Variants in SWT1 observed in about 807,000 individuals in gnomAD.
The protein encoded by SWT1 is transcriptional protein SWT1.
Under a neutral mutation model 107.3 loss-of-function variants are expected in SWT1, and 33 were observed. The ratio of observed to expected loss-of-function variants is 0.31; its 90% CI spans 0.23 to 0.41. The LOEUF (loss-of-function observed/expected upper bound fraction) is 0.41. Ranked by LOEUF, SWT1 falls within the 10% of genes least tolerant of loss-of-function variation. The probability of loss-of-function intolerance (pLI) is 1.00; values close to 1 mark genes in which losing one functional copy is unlikely to be tolerated. For synonymous variants in SWT1, 345 were observed against 348.3 expected (o/e 0.99, Z 0.11); for missense variants, 898 against 1,028.9 (o/e 0.87, Z 1.74).
chr1:185,252,897 A>G (rs1163439760), intron 16 of SWT1, among the ~76,000 whole-genome samples: 1 of 146,846 alleles, frequency 6.8e-6, no homozygotes, highest in African/African-American at 2.5e-5. Context: ...GTTTTCTTCT[A>G]GGGTTTTTAT....
chr1:185,205,856 A>G (rs979986957), intron 12 of SWT1, among the ~76,000 whole-genome samples: 10 of 152,228 alleles, frequency 6.6e-5, no homozygotes, highest in Non-Finnish European at 1.3e-4. Context: ...GTAATTGTAT[A>G]TATGTGAGTG....
intron 18 of SWT1, among the ~76,000 whole-genome samples, chr1:185,278,756 A>C (rs1429171637): frequency 6.6e-6 from 1 of 152,242 alleles, no homozygotes; most frequent in Admixed American, 6.5e-5. Context: ...TGGGATTAGG[A>C]GCATAACACT....
chr1:185,202,911 G>A (rs923374841), intron 11 of SWT1, 112 bp downstream of exon 11: 22 of 535,576 alleles, frequency 4.1e-5, no homozygotes, highest in South Asian at 2.0e-4. Flanking sequence ...AAATAACATC[G>A]TTTGGAATAC....
intron 16 of SWT1, among the ~76,000 whole-genome samples, chr1:185,240,473 A>G (rs74134445): frequency 6.6e-6 from 1 of 152,052 alleles, no homozygotes; most frequent in Non-Finnish European, 1.5e-5. Flanking sequence ...ATGCTTTTAT[A>G]TTAAAAGATA....
At chr1:185,275,114 T>C (rs1430476841) in intron 17 of SWT1, among the ~76,000 whole-genome samples, 3 of 152,198 alleles carry the variant, frequency 2.0e-5, no homozygotes, top group Non-Finnish European at 1.5e-5. Context: ...TTATTTTATA[T>C]TCATATTTAA....
chr1:185,276,751 G>A, intron 18 of SWT1, 83 bp downstream of exon 18: 1 of 645,390 alleles, frequency 1.5e-6, no homozygotes, highest in Non-Finnish European at 2.5e-6. Context: ...TGGTGGTGGT[G>A]ATGTGTTTTT....
At position 185,184,800 on chromosome 1, in the gene SWT1, T is replaced by TGAAG. The variant is rs780928295; in HGVS notation, c.1306_1309dup (p.Lys437ArgfsTer27). ...GTCGTTATGCAAGAGCTAGATCGTATGAAGGAAGGAAAACTACTAAAACGT... is the reference window on the plus strand; with the variant it reads ...GTCGTTATGCAAGAGCTAGATCGTATGAAGGAAGGAAGGAAAACTACTAAAACGT... On this transcript the variant is annotated frameshift_variant, in exon 9 of 19. Coordinates refer to ENST00000367500, the MANE Select transcript of SWT1 (RefSeq NM_017673.7). LOFTEE classifies it high-confidence loss of function. The TGAAG allele has an allele frequency of 6.2e-7, 1 of 1,607,600 alleles. No individual in the cohort carries two copies. Among genetic ancestry groups the TGAAG allele is most frequent in the South Asian group, 1.1e-5 (1 of 90,080 alleles).
At chr1:185,270,268 A>G (rs1430083641) in intron 16 of SWT1, among the ~76,000 whole-genome samples, 1 of 149,500 alleles carries the variant, frequency 6.7e-6, no homozygotes, top group Non-Finnish European at 1.5e-5. Context: ...TACCAAAATG[A>G]CAGGCTGGTT....
chr1:185,192,869 A>G (rs1417641450), intron 10 of SWT1, among the ~76,000 whole-genome samples: 1 of 151,922 alleles, frequency 6.6e-6, no homozygotes, highest in Non-Finnish European at 1.5e-5. Context: ...GCTGGTCTCA[A>G]ACTCCTGACC....
At chr1:185,261,867 G>A (rs1052122231) in intron 16 of SWT1, among the ~76,000 whole-genome samples, 1 of 152,050 alleles carries the variant, frequency 6.6e-6, no homozygotes, top group African/African-American at 2.4e-5. Flanking sequence ...TATAAATAGA[G>A]CATTTCTTTA....
chr1:185,239,319 A>C (rs985261330), intron 16 of SWT1, among the ~76,000 whole-genome samples: 3 of 152,130 alleles, frequency 2.0e-5, no homozygotes, highest in Non-Finnish European at 4.4e-5. Context: ...AACTATGTTT[A>C]CATGCGCTAA....
intron 9 of SWT1, among the ~76,000 whole-genome samples, chr1:185,188,926 T>A (rs1034104183): frequency 2.6e-5 from 4 of 152,170 alleles, no homozygotes; most frequent in African/African-American, 9.7e-5. Context: ...TATGGACTTG[T>A]GGGAAACATT....
intron 16 of SWT1, among the ~76,000 whole-genome samples, chr1:185,259,193 A>G (rs1048450311): frequency 3.9e-5 from 6 of 152,112 alleles, no homozygotes; most frequent in Admixed American, 2.6e-4. Context: ...GTCAGCCAAT[A>G]TTAATCAATT....
intron 10 of SWT1, among the ~76,000 whole-genome samples, chr1:185,196,602 T>A (rs1010886894): frequency 6.6e-6 from 1 of 152,256 alleles, no homozygotes; most frequent in African/African-American, 2.4e-5. Flanking sequence ...CAATACTGAT[T>A]CTTCCTATCC....
chr1:185,184,708 T>A (rs748613564), intron 8 of SWT1, 35 bp from the exon 9 acceptor site: 4 of 1,557,106 alleles, frequency 2.6e-6, no homozygotes, highest in Non-Finnish European at 3.5e-6. Flanking sequence ...TCAATAAATG[T>A]TTGTTAAATT....
intron 6 of SWT1, 86 bp downstream of exon 6, chr1:185,180,536 C>A (rs1397823519): frequency 1.3e-5 from 12 of 934,042 alleles, no homozygotes; most frequent in Non-Finnish European, 2.0e-5. Flanking sequence ...CTGTAGAAAC[C>A]CTGATAATAT....
At chr1:185,208,815 G>A (rs1402072525) in intron 13 of SWT1, among the ~76,000 whole-genome samples, 2 of 150,800 alleles carry the variant, frequency 1.3e-5, no homozygotes, top group Non-Finnish European at 2.9e-5. Flanking sequence ...AATCTAGGAT[G>A]CATAGCTGTG....
At chr1:185,235,861 G>A (rs1310916000) in intron 16 of SWT1, among the ~76,000 whole-genome samples, 2 of 152,108 alleles carry the variant, frequency 1.3e-5, no homozygotes, top group Non-Finnish European at 2.9e-5. Context: ...AAAGTCTCAG[G>A]ATACAAAATC....
In SWT1 at chr1:185,182,105, A is replaced by G. The variant is rs746952872; in HGVS notation, c.1138+48A>G. ...TATGCTCCCCTATGCTTTCCTAAAAATTAATGTGCCAATATTCAATTTTTA... is the reference window on the plus strand; with the variant it reads ...TATGCTCCCCTATGCTTTCCTAAAAGTTAATGTGCCAATATTCAATTTTTA... On this transcript the variant is annotated intron_variant, in intron 7 of 18. Transcript: ENST00000367500. 5.2e-6 allele frequency: 8 copies of G among 1,551,386 alleles called. No homozygotes were observed. In the South Asian group the frequency reaches 8.6e-5, roughly 17 times the overall value.
Sources: allele counts gnomAD v4.1 joint callset (sites outside exome capture counted in the v4.1 genomes callset), GRCh38; gene constraint gnomAD v4.1.1; transcripts MANE v1.5; gene names NCBI Gene and HGNC (gene_info 2026-07-23, HGNC 2026-07-21).